The following AFTPH variants were observed in gnomAD, a reference collection of about 807,000 sequenced individuals.
AFTPH encodes the protein aftiphilin protein.
A neutral mutation model predicts 72.5 loss-of-function variants in AFTPH; 7 were observed. The ratio of observed to expected loss-of-function variants is 0.10; its 90% confidence interval spans 0.05 to 0.18. AFTPH has a LOEUF of 0.18. Ranked by LOEUF, AFTPH falls within the 10% of genes least tolerant of loss-of-function variation. The pLI, the probability that AFTPH is intolerant of heterozygous loss-of-function variation, is 1.00. For missense variants in AFTPH, 979 were observed against 1,060.5 expected, an observed-to-expected ratio of 0.92 and a Z score of 1.07; for synonymous variants, 337 against 370.1, an observed-to-expected ratio of 0.91 and a Z score of 1.03.
intron 1 of AFTPH, among the ~76,000 whole-genome samples, chr2:64,540,523 G>A (rs1249700853): frequency 6.6e-6 from 1 of 152,028 alleles, no homozygotes; most frequent in African/African-American, 2.4e-5. Context: ...AAAATGTTCG[G>A]TAGAAGAAAA....
At chr2:64,535,700 C>G (rs1419104831) in intron 1 of AFTPH, among the ~76,000 whole-genome samples, 1 of 152,136 alleles carries the variant, frequency 6.6e-6, no homozygotes, top group Non-Finnish European at 1.5e-5. Flanking sequence ...AACTTCATGC[C>G]TGAATAGAAT....
In AFTPH at chr2:64,530,989, G is replaced by A. The variant is rs181877017; in HGVS notation, c.-33+6377G>A. ...AGGCAAGAGAATTGCTTGAACCCGG[G>A]AGGTGGAGATTGCAGTGAGCCTAGA... On this transcript the variant is annotated intron_variant, in intron 1 of 8. Coordinates refer to ENST00000238856, the Ensembl canonical transcript of AFTPH. Among the ~76,000 whole-genome samples the A allele has an allele frequency of 9.3e-5, 14 of 150,590 alleles. No individual in the cohort carries two copies. The East Asian group carries it at 2.7e-3, about 30-fold the overall frequency.
chr2:64,539,301 A>G (rs1390754992), intron 1 of AFTPH, among the ~76,000 whole-genome samples: 1 of 152,178 alleles, frequency 6.6e-6, no homozygotes, highest in Non-Finnish European at 1.5e-5. Flanking sequence ...ATGCTGAGGA[A>G]TTGTCTCAAA....
At chr2:64,578,985 G>C (rs1573034040) in intron 6 of AFTPH, 1 of 152,430 alleles carries the variant, frequency 6.6e-6, no homozygotes, top group African/African-American at 2.4e-5. Flanking sequence ...TTAAATTCTG[G>C]TATCTAATAA....
At chr2:64,575,701 ATATGTGTG>A (rs1338626783) in intron 6 of AFTPH, among the ~76,000 whole-genome samples, 3 of 115,580 alleles carry the variant, frequency 2.6e-5, no homozygotes, top group Admixed American at 1.0e-4. Context: ...GTATGTGTGT[ATATGTGTG>A]TGTGTGTGTG....
intron 2 of AFTPH, among the ~76,000 whole-genome samples, chr2:64,565,981 C>T (rs1401568205): frequency 2.0e-5 from 3 of 152,164 alleles, no homozygotes; most frequent in Non-Finnish European, 4.4e-5. Context: ...CTGTGGTAAA[C>T]ATTTTTTTCC....
chr2:64,541,702 C>A (rs1670260396), intron 1 of AFTPH, among the ~76,000 whole-genome samples: 1 of 152,158 alleles, frequency 6.6e-6, no homozygotes, highest in Non-Finnish European at 1.5e-5. Flanking sequence ...ATTTGAACTA[C>A]TGTACACCAG....
intron 1 of AFTPH, among the ~76,000 whole-genome samples, chr2:64,550,783 T>C (rs188316677): frequency 2.2e-3 from 339 of 152,116 alleles, no homozygotes; most frequent in African/African-American, 7.9e-3. Flanking sequence ...ATTGTACTGA[T>C]GTCAGTTTCC....
intron 1 of AFTPH, among the ~76,000 whole-genome samples, chr2:64,548,324 C>T (rs899093628): frequency 1.4e-3 from 198 of 136,860 alleles, no homozygotes; most frequent in African/African-American, 4.8e-3. Context: ...ACCCGGGAAG[C>T]GGAGCTTGCA....
chr2:64,587,195 T>C (rs565614301), intron 8 of AFTPH, among the ~76,000 whole-genome samples: 16 of 152,346 alleles, frequency 1.1e-4, no homozygotes, highest in African/African-American at 3.8e-4. Flanking sequence ...TTTTCTCTTG[T>C]TCTATACTAA....
intron 2 of AFTPH, among the ~76,000 whole-genome samples, chr2:64,556,081 G>A (rs1031915188): frequency 1.9e-4 from 28 of 149,886 alleles, no homozygotes; most frequent in East Asian, 8.1e-4. Flanking sequence ...TCCGCCTCCC[G>A]GGTTCAAGCA....
At chr2:64,530,706 G>A (rs144718558) in intron 1 of AFTPH, among the ~76,000 whole-genome samples, 32 of 152,190 alleles carry the variant, frequency 2.1e-4, no homozygotes, top group African/African-American at 4.8e-4. Context: ...ATCATATTGC[G>A]TTGATCTTTC....
intron 8 of AFTPH, among the ~76,000 whole-genome samples, 158 bp from the exon 10 acceptor site, chr2:64,591,730 T>C (rs3770720): frequency 0.18 from 27,184 of 152,026 alleles, 3,124 homozygotes; most frequent in African/African-American, 0.33. Context: ...ACAGGAAGCA[T>C]ACTGCACAAA....
intron 1 of AFTPH, among the ~76,000 whole-genome samples, chr2:64,548,242 AATT>A (rs1230085607): frequency 6.9e-6 from 1 of 145,240 alleles, no homozygotes; most frequent in Non-Finnish European, 1.5e-5. Context: ...AAATACAAAA[AATT>A]AGCCGGGCGC....
intron 1 of AFTPH, among the ~76,000 whole-genome samples, chr2:64,529,069 A>G (rs1420830283): frequency 6.6e-6 from 1 of 152,138 alleles, no homozygotes; most frequent in Non-Finnish European, 1.5e-5. Context: ...CTTGAATTGG[A>G]ATCTGCAATA....
chr2:64,526,839 C>T (rs547785191), intron 1 of AFTPH, among the ~76,000 whole-genome samples: 2 of 152,330 alleles, frequency 1.3e-5, no homozygotes, highest in South Asian at 2.1e-4. Flanking sequence ...AGTGTACTAA[C>T]TCAATCCACA....
exon 2 of AFTPH, chr2:64,552,651 T>A: frequency 1.2e-6 from 2 of 1,614,182 alleles, no homozygotes; most frequent in Non-Finnish European, 1.7e-6. Context: ...GTTTACTAAT[T>A]TCCAAAGCCC....
intron 1 of AFTPH, among the ~76,000 whole-genome samples, chr2:64,543,954 G>C (rs1181446970): frequency 1.3e-5 from 2 of 152,176 alleles, no homozygotes; most frequent in Non-Finnish European, 2.9e-5. Flanking sequence ...ACCTTCACCT[G>C]TTGTATGCCC....
At chr2:64,560,076 C>G (rs898543597) in intron 2 of AFTPH, among the ~76,000 whole-genome samples, 1 of 152,122 alleles carries the variant, frequency 6.6e-6, no homozygotes, top group Non-Finnish European at 1.5e-5. Context: ...TTAACCATCA[C>G]AAGAGGGAAC....
Sources: allele counts gnomAD v4.1 joint callset (sites outside exome capture counted in the v4.1 genomes callset), GRCh38; gene constraint gnomAD v4.1.1; transcripts MANE v1.5; gene names NCBI Gene and HGNC (gene_info 2026-07-23, HGNC 2026-07-21).